Variants in CEMIP observed in about 807,000 individuals in gnomAD.
CEMIP encodes cell migration inducing hyaluronidase 1.
CEMIP carries 105 observed loss-of-function variants against 156.9 expected under a neutral mutation model. That is an observed-to-expected ratio of 0.67 (90% CI 0.57 to 0.79). CEMIP has a LOEUF of 0.79. CEMIP is among the 30% of genes least tolerant of loss of function. The probability of loss-of-function intolerance (pLI) is 0.00; values close to 1 mark genes in which losing one functional copy is unlikely to be tolerated. For synonymous variants in CEMIP, 676 were observed against 668.4 expected, an observed-to-expected ratio of 1.01 and a Z score of -0.17; for missense variants, 1,457 against 1,769.4, an observed-to-expected ratio of 0.82 and a Z score of 3.17.
intron 25 of CEMIP, among the ~76,000 whole-genome samples, chr15:80,939,453 G>A (rs994604513): frequency 2.6e-5 from 4 of 152,206 alleles, no homozygotes; most frequent in African/African-American, 9.7e-5. Flanking sequence ...GAAATATTAT[G>A]ATTAAAGTAA....
intron 1 of CEMIP, among the ~76,000 whole-genome samples, chr15:80,823,501 TAGCTC>T (rs1451081492): frequency 6.6e-6 from 1 of 152,172 alleles, no homozygotes; most frequent in Non-Finnish European, 1.5e-5. Context: ...TTTTCAGTCT[TAGCTC>T]AGCTTTCCAA....
chr15:80,780,744 G>C (rs1191197969), intron 1 of CEMIP, among the ~76,000 whole-genome samples: 2 of 152,244 alleles, frequency 1.3e-5, no homozygotes, highest in African/African-American at 2.4e-5. Context: ...CCCGAGGGCG[G>C]GGAGCCGGCG....
intron 7 of CEMIP, among the ~76,000 whole-genome samples, chr15:80,886,874 T>A (rs375717054): frequency 6.6e-6 from 1 of 152,196 alleles, no homozygotes; most frequent in Non-Finnish European, 1.5e-5. Flanking sequence ...GGGATAAGGA[T>A]GCTCTTTTTC....
Position 80,906,959 on chromosome 15 carries a change from G to A in CEMIP, c.1587+121G>A. On this transcript the variant is annotated intron_variant, in intron 13 of 29. Coordinates refer to ENST00000394685, the MANE Select transcript of CEMIP (RefSeq NM_001293298.2). The surrounding 1 kb of genome is among the most constrained non-coding windows in gnomAD (Gnocchi z 4.3). The stretch of plus-strand genomic sequence containing the variant: ...GGAACAGGAGGTGGGATCAAGGGGA[G>A]GGCGCCTTCTGGAAGTTTGAGAAGT... 1 of 1,100,434 alleles carries A rather than the reference G, an allele frequency of 9.1e-7. No homozygotes were observed. 68.2% of individuals were successfully genotyped at this position (1,100,434 alleles called of 1,614,324 possible).
At chr15:80,931,719 G>C in intron 21 of CEMIP, 140 bp from the exon 22 acceptor site, 1 of 748,518 alleles carries the variant, frequency 1.3e-6, no homozygotes, top group Admixed American at 2.0e-5. Context: ...GTGGGGATCA[G>C]GAATGGTTTT....
chr15:80,875,107 C>T (rs1362362961), intron 3 of CEMIP, among the ~76,000 whole-genome samples: 1 of 129,854 alleles, frequency 7.7e-6, no homozygotes, highest in African/African-American at 2.9e-5. Flanking sequence ...GATCGTGGTT[C>T]ACTGCAGCCT....
At chr15:80,900,585 GGTGTGTGTGTGTGTGTGT>G (rs57724852) in intron 12 of CEMIP, among the ~76,000 whole-genome samples, 147 of 74,970 alleles carry the variant, frequency 2.0e-3, no homozygotes, top group African/African-American at 3.8e-3. Context: ...CCCAGGTAGG[GGTGTGTGTGTGTGTGTGT>G]GTGTGTGTGT....
intron 1 of CEMIP, among the ~76,000 whole-genome samples, chr15:80,840,775 G>T (rs946241414): frequency 1.3e-5 from 2 of 152,172 alleles, no homozygotes; most frequent in African/African-American, 4.8e-5. Context: ...GAGTCCTAGG[G>T]GGTCCAGGAC....
chr15:80,789,194 G>A (rs1358974813), intron 1 of CEMIP, among the ~76,000 whole-genome samples: 7 of 152,166 alleles, frequency 4.6e-5, no homozygotes, highest in Non-Finnish European at 1.0e-4. Flanking sequence ...ATCAGTACCA[G>A]AGACAAGGCA....
chr15:80,948,682 T>G, intron 29 of CEMIP, 115 bp from the exon 30 acceptor site: 1 of 1,373,198 alleles, frequency 7.3e-7, no homozygotes, highest in Non-Finnish European at 1.0e-6. Flanking sequence ...CAGTGCAGTG[T>G]GGCTAGGCGG....
intron 14 of CEMIP, among the ~76,000 whole-genome samples, chr15:80,914,233 G>A (rs1471113262): frequency 6.6e-6 from 1 of 152,182 alleles, no homozygotes; most frequent in Admixed American, 6.5e-5. Context: ...GTAATGGAAT[G>A]GTCCAGTACT....
At chr15:80,819,605 C>T (rs1303358324) in intron 1 of CEMIP, among the ~76,000 whole-genome samples, 1 of 152,144 alleles carries the variant, frequency 6.6e-6, no homozygotes, top group Non-Finnish European at 1.5e-5. Context: ...TCCCCCTTTA[C>T]CCTCTACAGC....
At chr15:80,843,380 A>G (rs562078208) in intron 1 of CEMIP, among the ~76,000 whole-genome samples, 3 of 152,320 alleles carry the variant, frequency 2.0e-5, no homozygotes, top group South Asian at 2.1e-4. Context: ...CTTTGAATAT[A>G]TCAGTCAAGA....
chr15:80,942,983 C>T lies in CEMIP; in HGVS notation c.3738C>T (p.Ile1246=). The T allele has an allele frequency of 1.2e-6, 2 of 1,614,186 alleles. No individual in the cohort carries two copies. Among genetic ancestry groups the T allele is most frequent in the Non-Finnish European group, 1.7e-6 (2 of 1,180,032 alleles). ...GKKYPSSEDG[I]QVVVIDGNQG... is the part of the protein sequence containing the mutation. ...AGTACCCCAGTTCGGAGGATGGCAT[C>T]CAGGTGGTGGTGATTGACGGGAACC... Residue 1246 remains isoleucine (I), a synonymous_variant, in exon 28 of 30, where the codon ATC becomes ATT. Transcript: ENST00000394685.
Position 80,873,866 on chromosome 15 carries a change from A to G in CEMIP, c.-14A>G. On this transcript the variant is annotated splice_region_variant and 5_prime_UTR_variant, in exon 3 of 30. Transcript: ENST00000394685. ...GACTCTGTGTGCTTCTCTTTCAGGG[A>G]GCACACTGCCAGGATGGGAGCTGCT... The G allele has an allele frequency of 6.4e-7, 1 of 1,570,398 alleles. No individual in the cohort carries two copies. Among genetic ancestry groups the G allele is most frequent in the Non-Finnish European group, 8.7e-7 (1 of 1,155,830 alleles).
chr15:80,895,703 T>C (rs1899195962), intron 11 of CEMIP, among the ~76,000 whole-genome samples, 166 bp from the exon 12 acceptor site: 1 of 152,168 alleles, frequency 6.6e-6, no homozygotes, highest in Admixed American at 6.5e-5. Flanking sequence ...TTTTGTTGAC[T>C]TCAAAAACCT....
intron 1 of CEMIP, among the ~76,000 whole-genome samples, chr15:80,847,635 C>T (rs1373438569): frequency 6.6e-6 from 1 of 152,192 alleles, no homozygotes; most frequent in African/African-American, 2.4e-5. Context: ...CAATTTGTGC[C>T]TGTGTGATGG....
intron 1 of CEMIP, among the ~76,000 whole-genome samples, chr15:80,795,190 G>A (rs1896187054): frequency 6.6e-6 from 1 of 152,134 alleles, no homozygotes; most frequent in African/African-American, 2.4e-5. Flanking sequence ...ACATCATCCT[G>A]AAAGCAATGG....
chr15:80,917,124 C>T lies in CEMIP; in HGVS notation c.1798-2970C>T, dbSNP rs190590373. Among the ~76,000 whole-genome samples the T allele has an allele frequency of 3.5e-4, 54 of 152,252 alleles. No homozygotes were observed. In the East Asian group the frequency reaches 5.8e-3, roughly 16 times the overall value. On this transcript the variant is annotated intron_variant, in intron 14 of 29. Transcript: ENST00000394685. ...CCAATAAACAGCGGTCATTTTTCTTCCTTTCAATGAGGCTTTTTCTCTCAG... is the reference window on the plus strand; with the variant it reads ...CCAATAAACAGCGGTCATTTTTCTTTCTTTCAATGAGGCTTTTTCTCTCAG...
Sources: gnomAD v4.1 joint callset for allele counts (sites outside exome capture counted in the v4.1 genomes callset) on GRCh38, gnomAD v4.1.1 for gene constraint, Gnocchi (gnomAD v3.1) non-coding constraint, MANE v1.5 for transcripts, NCBI Gene and HGNC (gene_info 2026-07-23, HGNC 2026-07-21) for gene names.